Variants in CIB3 observed in about 807,000 individuals in gnomAD.
CIB3 encodes calcium and integrin binding family member 3.
In CIB3, 22 loss-of-function variants were observed where a neutral mutation model predicts 23.4. The ratio of observed to expected loss-of-function variants is 0.94; its 90% CI spans 0.67 to 1.34. CIB3 has a LOEUF of 1.34. Ranked by LOEUF, CIB3 falls within the 40% of genes most tolerant of loss-of-function variation. The probability of loss-of-function intolerance (pLI) is 0.00; values close to 1 mark genes in which losing one functional copy is unlikely to be tolerated. For missense variants in CIB3, 258 were observed against 247.3 expected (o/e 1.04, Z -0.29); for synonymous variants, 93 against 95.8 (o/e 0.97, Z 0.17).
chr19:16,169,657 C>T lies in CIB3; in HGVS notation c.171G>A (p.Glu57=). ...TCAGCTCGGGCATGCTGCCAATGAG[C>T]TCGTAGGGCACCTTCACATCGGGGC... The part of the protein sequence containing the change: ...TTCPDVKVPY[E]LIGSMPELKD... The change falls in exon 3 of 6, where the codon GAG becomes GAA. Residue 57 remains glutamate, a synonymous_variant. Coordinates refer to ENST00000269878, the MANE Select transcript of CIB3 (RefSeq NM_054113.4). 1 of 1,613,742 alleles carries T rather than the reference C, an allele frequency of 6.2e-7. No individual in the cohort carries two copies. Among genetic ancestry groups the T allele is most frequent in the Non-Finnish European group, 8.5e-7 (1 of 1,179,762 alleles).
chr19:16,162,135 A>G (rs1490706928), intron 5 of CIB3, among the ~76,000 whole-genome samples: 1 of 149,914 alleles, frequency 6.7e-6, no homozygotes, highest in Non-Finnish European at 1.5e-5. Flanking sequence ...GGCCTGGTGC[A>G]GTGACTCACC....
At chr19:16,161,600 TGGACCCCTCAAACAAC>T in intron 5 of CIB3, 114 bp from the exon 6 acceptor site, 1 of 1,113,608 alleles carries the variant, frequency 9.0e-7, no homozygotes, top group Non-Finnish European at 1.3e-6. Flanking sequence ...GGATGCCACA[TGGACCCCTCAAACAAC>T]CCTAGGCCGG....
intron 4 of CIB3, among the ~76,000 whole-genome samples, chr19:16,167,868 G>A (rs1162263058): frequency 6.6e-6 from 1 of 152,072 alleles, no homozygotes; most frequent in Non-Finnish European, 1.5e-5. Flanking sequence ...AAATAAATAA[G>A]GAGCAAGGCG....
At chr19:16,172,987 G>A (rs1221527875) in intron 2 of CIB3, among the ~76,000 whole-genome samples, 175 bp downstream of exon 2, 3 of 144,542 alleles carry the variant, frequency 2.1e-5, no homozygotes, top group Admixed American at 7.1e-5. Context: ...GGAAGGAAGG[G>A]AGGGAGGGAG....
Position 16,164,986 on chromosome 19 carries a change from C to A in CIB3, c.347-73G>T. ...AGGCCGGCTGTGGGCACATACTGTG[C>A]CCATGTTACAAGAAGGGGAAACTAA... On this transcript the variant is annotated intron_variant, in intron 4 of 5. Coordinates refer to ENST00000269878, the MANE Select transcript of CIB3 (RefSeq NM_054113.4). 3 of 1,318,068 alleles carry A rather than the reference C, an allele frequency of 2.3e-6. No individual in the cohort carries two copies. The South Asian group carries it at 3.7e-5, about 16-fold the overall frequency. The allele number at this position is 1,318,068 out of a possible 1,614,324, so 81.6% of individuals were successfully genotyped here.
chr19:16,165,644 T>C (rs962556079), intron 4 of CIB3, among the ~76,000 whole-genome samples: 5 of 152,058 alleles, frequency 3.3e-5, no homozygotes, highest in Non-Finnish European at 5.9e-5. Context: ...GGATTCCCCA[T>C]GTTGGCCAGG....
At chr19:16,161,534 C>T (rs2091284882) in intron 5 of CIB3, 48 bp from the exon 6 acceptor site, 1 of 1,602,630 alleles carries the variant, frequency 6.2e-7, no homozygotes, top group Admixed American at 1.7e-5. Flanking sequence ...AGTGGACAAC[C>T]CCTTTTCCTC....
At chr19:16,163,211 G>A (rs1337593597) in intron 5 of CIB3, among the ~76,000 whole-genome samples, 2 of 152,076 alleles carry the variant, frequency 1.3e-5, no homozygotes, top group Non-Finnish European at 2.9e-5. Flanking sequence ...GCAGTGAGCC[G>A]ATTGCACCAT....
At chr19:16,162,380 T>G (rs941930081) in intron 5 of CIB3, among the ~76,000 whole-genome samples, 11 of 152,020 alleles carry the variant, frequency 7.2e-5, no homozygotes, top group Non-Finnish European at 1.5e-4. Context: ...GAGCTATGAT[T>G]GTGCCACTGC....
At chr19:16,163,151 A>G (rs1599433650) in intron 5 of CIB3, among the ~76,000 whole-genome samples, 1 of 152,032 alleles carries the variant, frequency 6.6e-6, no homozygotes, top group Non-Finnish European at 1.5e-5. Flanking sequence ...AGTCCCAGCT[A>G]CTTAGGAAGC....
In CIB3 at chr19:16,171,488, A is replaced by G. The variant is rs543899623; in HGVS notation, c.86+1674T>C. 5.1e-4 allele frequency among the ~76,000 whole-genome samples: 78 copies of G among 152,190 alleles called. 1 individual carries two copies. Among genetic ancestry groups the G allele is most frequent in the African/African-American group, 1.4e-3 (60 of 41,504 alleles). ...GTCCCTAGGTCATATGATGACTAGG[A>G]ACTCAATGAAGGTGGGGTGGGGAGA... On this transcript the variant is annotated intron_variant, in intron 2 of 5. Transcript: ENST00000269878.
intron 2 of CIB3, among the ~76,000 whole-genome samples, chr19:16,172,085 A>T (rs2091330573): frequency 6.6e-6 from 1 of 152,136 alleles, no homozygotes; most frequent in East Asian, 1.9e-4. Flanking sequence ...CAAGCCCACA[A>T]CCCAGACTGG....
intron 5 of CIB3, among the ~76,000 whole-genome samples, 187 bp from the exon 6 acceptor site, chr19:16,161,673 C>CTTTTTTTT (rs55969649): frequency 4.0e-5 from 4 of 100,048 alleles, no homozygotes; most frequent in Non-Finnish European, 5.7e-5. Context: ...TTTTTTAATT[C>CTTTTTTTT]TTTTTTTTTT....
chr19:16,170,433 A>C (rs1400469909), intron 2 of CIB3, among the ~76,000 whole-genome samples: 1 of 152,202 alleles, frequency 6.6e-6, no homozygotes, highest in Non-Finnish European at 1.5e-5. Flanking sequence ...AGAATCCTAT[A>C]TAATCCACAC....
chr19:16,173,079 CA>C, intron 2 of CIB3, 82 bp downstream of exon 2: 2 of 1,533,834 alleles, frequency 1.3e-6, no homozygotes, highest in Non-Finnish European at 1.8e-6. Context: ...CACACACACA[CA>C]CACACCAAAT....
chr19:16,166,713 T>C (rs1158046856), intron 4 of CIB3, among the ~76,000 whole-genome samples: 1 of 152,226 alleles, frequency 6.6e-6, no homozygotes, highest in Non-Finnish European at 1.5e-5. Flanking sequence ...CATTCATTCA[T>C]GCAACAAGTA....
At chr19:16,168,659 A>G (rs551553669) in intron 3 of CIB3, among the ~76,000 whole-genome samples, 9 of 152,276 alleles carry the variant, frequency 5.9e-5, no homozygotes, top group Non-Finnish European at 1.0e-4. Flanking sequence ...TGCTGCTTGC[A>G]AAGCTCACAG....
At chr19:16,168,371 C>T (rs1191947582) in intron 3 of CIB3, 87 bp from the exon 4 acceptor site, 10 of 1,536,414 alleles carry the variant, frequency 6.5e-6, no homozygotes, top group Middle Eastern at 2.1e-4. Flanking sequence ...CACCCACCTT[C>T]TGGGAACCTC....
intron 5 of CIB3, among the ~76,000 whole-genome samples, chr19:16,163,251 CCT>C (rs983187088): frequency 2.6e-5 from 4 of 152,014 alleles, no homozygotes; most frequent in African/African-American, 9.7e-5. Context: ...TGAGTGAGAC[CCT>C]GTCTCAAAAC....
Sources: gnomAD v4.1 joint callset for allele counts (sites outside exome capture counted in the v4.1 genomes callset) on GRCh38, gnomAD v4.1.1 for gene constraint, MANE v1.5 for transcripts, NCBI Gene and HGNC (gene_info 2026-07-23, HGNC 2026-07-21) for gene names.